The following ADCY8 variants were observed in gnomAD, a reference collection of about 807,000 sequenced individuals.
ADCY8 encodes the protein adenylate cyclase 8.
Under a neutral mutation model 119.7 loss-of-function variants are expected in ADCY8, and 51 were observed. That is an observed-to-expected ratio of 0.43 (90% confidence interval 0.34 to 0.54). The LOEUF (loss-of-function observed/expected upper bound fraction) is 0.54, where lower values mean the gene tolerates loss of function less well. ADCY8 is among the 20% of genes least tolerant of loss of function. The pLI is 0.03. For synonymous variants in ADCY8, 665 were observed against 651.0 expected, an observed-to-expected ratio of 1.02 and a Z score of -0.33; for missense variants, 1,383 against 1,598.8, an observed-to-expected ratio of 0.87 and a Z score of 2.30.
intron 9 of ADCY8, among the ~76,000 whole-genome samples, chr8:130,857,724 A>T (rs58511485): frequency 0.49 from 74,655 of 152,082 alleles, 19,078 homozygotes; most frequent in African/African-American, 0.62. Context: ...GATTCATTAA[A>T]TCATTATGGG....
At position 130,839,694 on chromosome 8, in the gene ADCY8, C is replaced by A. The variant is rs981261541; in HGVS notation, c.2503-3245G>T. Among the ~76,000 whole-genome samples the A allele has an allele frequency of 2.8e-5, 4 of 140,490 alleles. 1 individual carries two copies. The highest frequency in any genetic ancestry group is 9.8e-5 in the African/African-American group (4 of 40,894). The allele number at this position is 140,490 out of a possible 152,430, so 92.2% of individuals were successfully genotyped here. ...AACAAGCAATTTTTGTGTTATATTA[C>A]TCCAGGAACTTAGAAGGCCCACAGC... On this transcript the variant is annotated intron_variant, in intron 11 of 17. Transcript: ENST00000286355.
At chr8:130,787,870 A>T (rs62520511) in intron 15 of ADCY8, among the ~76,000 whole-genome samples, 1 of 151,610 alleles carries the variant, frequency 6.6e-6, no homozygotes, top group Admixed American at 6.6e-5. Context: ...ATATATGTAC[A>T]TATGTGTGTG....
chr8:130,980,749 C>A (rs1380604935), intron 2 of ADCY8, among the ~76,000 whole-genome samples: 2 of 152,198 alleles, frequency 1.3e-5, no homozygotes, highest in African/African-American at 4.8e-5. Context: ...CGGCATAGTT[C>A]TCAGCCTCTG....
At chr8:131,027,691 T>G (rs1823863997) in intron 1 of ADCY8, among the ~76,000 whole-genome samples, 1 of 152,114 alleles carries the variant, frequency 6.6e-6, no homozygotes, top group Non-Finnish European at 1.5e-5. Flanking sequence ...GATTGCCAGG[T>G]CTTAAGCTTA....
chr8:130,875,882 C>T (rs995526968), intron 8 of ADCY8, among the ~76,000 whole-genome samples: 27 of 152,020 alleles, frequency 1.8e-4, no homozygotes, highest in African/African-American at 6.3e-4. Context: ...TATGTGGCTG[C>T]TAACCGAAAA....
chr8:130,973,543 G>A (rs1010119651), intron 2 of ADCY8, among the ~76,000 whole-genome samples: 2 of 152,338 alleles, frequency 1.3e-5, no homozygotes, highest in African/African-American at 2.4e-5. Context: ...CCATCCAGCA[G>A]CCAGAGTCAG....
intron 11 of ADCY8, among the ~76,000 whole-genome samples, chr8:130,841,749 G>A (rs1450053388): frequency 6.6e-6 from 1 of 152,204 alleles, no homozygotes; most frequent in Non-Finnish European, 1.5e-5. Context: ...ATGAACTCAT[G>A]AGACAAGAAG....
At chr8:131,035,400 T>C (rs1262016983) in intron 1 of ADCY8, among the ~76,000 whole-genome samples, 1 of 152,130 alleles carries the variant, frequency 6.6e-6, no homozygotes, top group Non-Finnish European at 1.5e-5. Flanking sequence ...AATAATCTCT[T>C]TGTTGGGTGG....
intron 6 of ADCY8, among the ~76,000 whole-genome samples, chr8:130,906,918 C>G (rs1192354807): frequency 6.6e-6 from 1 of 151,660 alleles, no homozygotes; most frequent in Non-Finnish European, 1.5e-5. Flanking sequence ...TTTGCAGATG[C>G]TGAAACTGGC....
At chr8:130,822,976 G>T (rs1472276028) in intron 12 of ADCY8, among the ~76,000 whole-genome samples, 7 of 152,196 alleles carry the variant, frequency 4.6e-5, no homozygotes, top group African/African-American at 1.7e-4. Flanking sequence ...TGGTGGTGGA[G>T]CTTTAAAAAG....
chr8:130,958,018 C>T (rs563218510), intron 2 of ADCY8, among the ~76,000 whole-genome samples: 25 of 152,242 alleles, frequency 1.6e-4, no homozygotes, highest in Non-Finnish European at 3.4e-4. Flanking sequence ...ACTGGGGCAC[C>T]ATCTAGTGGA....
chr8:130,988,185 G>A (rs889177838), intron 2 of ADCY8, among the ~76,000 whole-genome samples: 4 of 152,156 alleles, frequency 2.6e-5, no homozygotes, highest in Admixed American at 1.3e-4. Context: ...TACACTGTCC[G>A]TCTATTACTG....
chr8:130,994,389 T>C (rs1330035940), intron 1 of ADCY8, among the ~76,000 whole-genome samples: 1 of 152,244 alleles, frequency 6.6e-6, no homozygotes, highest in Admixed American at 6.5e-5. Context: ...AGCTTCCCCA[T>C]CAATTTGACG....
chr8:130,894,258 C>T (rs1228123737), intron 7 of ADCY8, among the ~76,000 whole-genome samples: 2 of 152,288 alleles, frequency 1.3e-5, no homozygotes, highest in Non-Finnish European at 2.9e-5. Flanking sequence ...AGCTACATTG[C>T]TACCTCTTTG....
intron 5 of ADCY8, among the ~76,000 whole-genome samples, chr8:130,924,308 A>G (rs1194804482): frequency 2.0e-5 from 3 of 152,146 alleles, no homozygotes; most frequent in African/African-American, 7.2e-5. Context: ...TTCCAAGCTA[A>G]GGAATCTGAG....
intron 11 of ADCY8, among the ~76,000 whole-genome samples, chr8:130,846,888 T>TTCCCTTCCTTCC (rs56726941): frequency 1.0e-4 from 2 of 19,834 alleles, no homozygotes; most frequent in African/African-American, 4.9e-4. Flanking sequence ...TTCCCTTCCC[T>TTCCCTTCCTTCC]TTCCTTCCTT....
chr8:130,826,986 G>A (rs1215028156), intron 12 of ADCY8, among the ~76,000 whole-genome samples: 1 of 152,090 alleles, frequency 6.6e-6, no homozygotes, highest in Admixed American at 6.6e-5. Context: ...AATGGGTGCA[G>A]CAAACCAACA....
At chr8:130,881,530 A>G (rs1818770561) in intron 8 of ADCY8, among the ~76,000 whole-genome samples, 1 of 152,112 alleles carries the variant, frequency 6.6e-6, no homozygotes, top group Non-Finnish European at 1.5e-5. Flanking sequence ...TTATTTTTCC[A>G]TTTCCATTTT....
chr8:130,873,150 T>C (rs1400656326), intron 8 of ADCY8, among the ~76,000 whole-genome samples: 1 of 152,214 alleles, frequency 6.6e-6, no homozygotes, highest in Non-Finnish European at 1.5e-5. Context: ...GGGATAGTCC[T>C]AAGAACTCTT....
Sources: allele counts gnomAD v4.1 joint callset (sites outside exome capture counted in the v4.1 genomes callset), GRCh38; gene constraint gnomAD v4.1.1; transcripts MANE v1.5; gene names NCBI Gene and HGNC (gene_info 2026-07-23, HGNC 2026-07-21).